The following ZNF665 variants were observed in gnomAD, a reference collection of about 807,000 sequenced individuals.
ZNF665 encodes zinc finger protein 665.
Under a neutral mutation model 7.9 loss-of-function variants are expected in ZNF665, and 6 were observed. That is an observed-to-expected ratio of 0.76 (90% CI 0.42 to 1.50). The LOEUF (loss-of-function observed/expected upper bound fraction) is 1.50. Ranked by LOEUF, ZNF665 falls within the 40% of genes most tolerant of loss-of-function variation. ZNF665 has a pLI of 0.01. For missense variants in ZNF665, 819 were observed against 806.7 expected (o/e 1.02, Z -0.18); for synonymous variants, 242 against 274.5 (o/e 0.88, Z 1.17).
chr19:53,170,925 T>C (rs1229111121), intron 3 of ZNF665, among the ~76,000 whole-genome samples: 2 of 152,194 alleles, frequency 1.3e-5, no homozygotes, highest in Non-Finnish European at 2.9e-5. Context: ...ATAATGTCGA[T>C]TAGAATGTAT....
intron 1 of ZNF665, 87 bp downstream of exon 1, chr19:53,193,225 T>G (rs1404790154): frequency 1.3e-5 from 2 of 151,948 alleles, no homozygotes; most frequent in Non-Finnish European, 2.9e-5. Flanking sequence ...GCGGGGACTT[T>G]AAGGGCTATA....
Position 53,164,535 on chromosome 19 carries a change from T to G in ZNF665, c.1955A>C (p.Lys652Thr). The G allele has an allele frequency of 6.2e-7, 1 of 1,613,860 alleles. No individual in the cohort carries two copies. Among genetic ancestry groups the G allele is most frequent in the South Asian group, 1.1e-5 (1 of 91,008 alleles). The change falls in exon 4 of 4, where the codon AAA becomes ACA. Residue 652 changes from lysine to threonine, a missense_variant. Transcript: ENST00000396424. ...GCCACATTGGTTACATTTGTAAGGT[T>G]TGTCTCCAGTATGGACTGCCATATG... ...TTHMAVHTGD[K>T]PYKCNQCGKV...
At chr19:53,167,241 T>TC (rs1170242594) in intron 3 of ZNF665, among the ~76,000 whole-genome samples, 8 of 151,890 alleles carry the variant, frequency 5.3e-5, no homozygotes, top group Non-Finnish European at 1.0e-4. Flanking sequence ...CCTCAGGTGA[T>TC]CCCCCCGCCT....
intron 1 of ZNF665, among the ~76,000 whole-genome samples, chr19:53,189,063 G>GTGTGTGTC (rs1377982091): frequency 6.7e-5 from 7 of 104,314 alleles, no homozygotes; most frequent in Non-Finnish European, 2.1e-5. Flanking sequence ...GTGTGTGTGT[G>GTGTGTGTC]TGTGTGTGTG....
chr19:53,167,022 G>C (rs568546969), intron 3 of ZNF665, among the ~76,000 whole-genome samples: 11 of 147,412 alleles, frequency 7.5e-5, no homozygotes, highest in African/African-American at 2.7e-4. Context: ...TTTTTTTTGA[G>C]AAGGACTTTT....
intron 1 of ZNF665, among the ~76,000 whole-genome samples, chr19:53,189,639 G>A (rs908239858): frequency 2.0e-5 from 3 of 147,652 alleles, no homozygotes; most frequent in African/African-American, 7.5e-5. Context: ...ACATGAAGGC[G>A]GACTAGGAGC....
intron 3 of ZNF665, among the ~76,000 whole-genome samples, chr19:53,169,464 G>A (rs1349167714): frequency 6.6e-6 from 1 of 151,960 alleles, no homozygotes; most frequent in African/African-American, 2.4e-5. Context: ...AATGTAAAAG[G>A]CTACAACCAC....
chr19:53,183,516 G>GC (rs146253012), intron 1 of ZNF665, among the ~76,000 whole-genome samples: 2,832 of 152,000 alleles, frequency 0.019, 88 homozygotes, highest in African/African-American at 0.065. Flanking sequence ...GCCCAGCACA[G>GC]CCCCCCCACC....
At position 53,166,575 on chromosome 19, in the gene ZNF665, G is replaced by A. The variant is rs538397301; in HGVS notation, c.143-228C>T. Among the ~76,000 whole-genome samples, 5 of 152,248 alleles carry A rather than the reference G, an allele frequency of 3.3e-5. No homozygotes were observed. The South Asian group carries it at 8.3e-4, about 25-fold the overall frequency. On this transcript the variant is annotated intron_variant, in intron 3 of 3. Coordinates refer to ENST00000396424, the MANE Select transcript of ZNF665 (RefSeq NM_024733.5). Reference sequence around the variant, plus strand: ...GGGATCCTAGTTTTAAACATTCTGTGAACAAAACACTCATATTGTGCAAAC... The same window carrying A: ...GGGATCCTAGTTTTAAACATTCTGTAAACAAAACACTCATATTGTGCAAAC...
chr19:53,185,752 T>C (rs1216703554), intron 1 of ZNF665, among the ~76,000 whole-genome samples: 1 of 151,598 alleles, frequency 6.6e-6, no homozygotes, highest in Non-Finnish European at 1.5e-5. Flanking sequence ...TATCAAAAAC[T>C]TGAAAACAAA....
At chr19:53,191,290 AT>A (rs2090815165) in intron 1 of ZNF665, among the ~76,000 whole-genome samples, 2 of 151,742 alleles carry the variant, frequency 1.3e-5, no homozygotes, top group Admixed American at 6.5e-5. Flanking sequence ...TCATTACTTG[AT>A]TATGAGAGTG....
intron 1 of ZNF665, 54 bp from the exon 2 acceptor site, chr19:53,182,997 C>A: frequency 6.4e-7 from 1 of 1,551,244 alleles, no homozygotes; most frequent in Non-Finnish European, 8.8e-7. Context: ...CAAAAATACG[C>A]TGTTTGTTGG....
chr19:53,177,460 T>C (rs531872992), intron 2 of ZNF665, among the ~76,000 whole-genome samples: 1 of 151,706 alleles, frequency 6.6e-6, no homozygotes, highest in African/African-American at 2.4e-5. Context: ...TAGCCGGAAA[T>C]TGCTTGAACC....
chr19:53,175,399 C>T, intron 3 of ZNF665, 46 bp downstream of exon 3: 2 of 1,584,112 alleles, frequency 1.3e-6, no homozygotes, highest in Non-Finnish European at 1.7e-6. Context: ...AAAATGAAAA[C>T]ATACACGAGA....
rs4801958 is a variant in ZNF665, at chr19:53,164,551, C to T, written c.1939G>A (p.Val647Ile). 978,812 of 1,613,352 alleles carry T rather than the reference C, an allele frequency of 0.61. 305,094 individuals are homozygous for T. The highest frequency in any genetic ancestry group is 0.72 in the South Asian group (65,110 of 91,034). ...VRSTLTTHMAVHTGDKPYKCN... is the reference protein window; with the variant it reads ...VRSTLTTHMAIHTGDKPYKCN... ...TTGTAAGGTTTGTCTCCAGTATGGACTGCCATATGGGTAGTTAGGGTTGAA... is the reference window on the plus strand; with the variant it reads ...TTGTAAGGTTTGTCTCCAGTATGGATTGCCATATGGGTAGTTAGGGTTGAA... The change falls in exon 4 of 4, where the codon GTC (valine) becomes ATC (isoleucine). Residue 647 changes from valine to isoleucine, a missense_variant. Coordinates refer to ENST00000396424, the MANE Select transcript of ZNF665 (RefSeq NM_024733.5).
In ZNF665 at chr19:53,178,573, AT is replaced by A. The variant is rs537467485; in HGVS notation, c.16-3003del. 2.3e-4 allele frequency among the ~76,000 whole-genome samples: 35 copies of A among 152,348 alleles called. 1 individual carries two copies. In the East Asian group the frequency reaches 5.0e-3, roughly 22 times the overall value. On this transcript the variant is annotated intron_variant, in intron 2 of 3. Transcript: ENST00000396424. Reference sequence around the variant, plus strand: ...ACCTTGTTTCTACAAAAAAGTAAAAATTATTAAAAGTAAAAATAAATAAATA... The same window carrying A: ...ACCTTGTTTCTACAAAAAAGTAAAAATATTAAAAGTAAAAATAAATAAATA...
chr19:53,183,121 A>T (rs1028758209), intron 1 of ZNF665, among the ~76,000 whole-genome samples, 178 bp from the exon 2 acceptor site: 6 of 152,150 alleles, frequency 3.9e-5, no homozygotes, highest in Non-Finnish European at 8.8e-5. Context: ...CAGGGATGAG[A>T]AACTCCTACA....
chr19:53,163,974 T>C lies in ZNF665; in HGVS notation c.*479A>G, dbSNP rs886708615. 2 of 153,472 alleles carry C rather than the reference T, an allele frequency of 1.3e-5. No individual in the cohort carries two copies. The highest frequency in any genetic ancestry group is 4.8e-5 in the African/African-American group (2 of 41,432). 9.5% of individuals were successfully genotyped at this position (153,472 alleles called of 1,614,324 possible). Reference sequence around the variant, plus strand: ...TGGATAAAGCTTCTGTCATACATAGTATATTCACAGGATTTGAACTCTGAT... The same window carrying C: ...TGGATAAAGCTTCTGTCATACATAGCATATTCACAGGATTTGAACTCTGAT... On this transcript the variant is annotated 3_prime_UTR_variant, in exon 4 of 4. Transcript: ENST00000396424.
chr19:53,167,907 T>C (rs1033606531), intron 3 of ZNF665, among the ~76,000 whole-genome samples: 24 of 149,080 alleles, frequency 1.6e-4, no homozygotes, highest in Non-Finnish European at 3.1e-4. Context: ...ATACAAAAAA[T>C]TCGCCATGCG....
Sources: gnomAD v4.1 joint callset for allele counts (sites outside exome capture counted in the v4.1 genomes callset) on GRCh38, gnomAD v4.1.1 for gene constraint, MANE v1.5 for transcripts, NCBI Gene and HGNC (gene_info 2026-07-23, HGNC 2026-07-21) for gene names.